Variants in CDKL3 observed in about 807,000 individuals in gnomAD.
The protein encoded by CDKL3 is cyclin dependent kinase like 3.
CDKL3 carries 65 observed loss-of-function variants against 69.3 expected under a neutral mutation model. The ratio of observed to expected loss-of-function variants is 0.94; its 90% CI spans 0.77 to 1.15. The LOEUF is 1.15. Among genes scored for constraint, CDKL3 ranks in the 50% most tolerant of loss-of-function variants. The pLI is 0.00. For missense variants in CDKL3, 652 were observed against 689.2 expected (o/e 0.95, Z 0.61); for synonymous variants, 202 against 221.6 (o/e 0.91, Z 0.79).
chr5:134,320,486 G>T (rs1194192684), intron 5 of CDKL3, among the ~76,000 whole-genome samples: 2 of 152,026 alleles, frequency 1.3e-5, no homozygotes, highest in African/African-American at 4.8e-5. Flanking sequence ...GCTGAGGTGG[G>T]AGAATCACCT....
intron 9 of CDKL3, chr5:134,307,888 G>T: frequency 2.2e-6 from 1 of 460,266 alleles, no homozygotes; most frequent in East Asian, 4.2e-5. Flanking sequence ...ATTTTTCAAA[G>T]GGTCTTTTTT....
At chr5:134,350,575 T>TA (rs1752999694) in intron 3 of CDKL3, 148 bp from the exon 4 acceptor site, 1 of 600,148 alleles carries the variant, frequency 1.7e-6, no homozygotes, top group Non-Finnish European at 2.9e-6. Flanking sequence ...AATGCAAATA[T>TA]AGTTATATGT....
rs2149496426 is a variant in CDKL3 at position 134,324,603 on chromosome 5, A to G, written c.540-2700T>C. Among the ~76,000 whole-genome samples the G allele has an allele frequency of 2.0e-5, 3 of 152,366 alleles. No homozygotes were observed. In the South Asian group the frequency reaches 6.2e-4, roughly 32 times the overall value. On this transcript the variant is annotated intron_variant, in intron 4 of 12. Coordinates refer to ENST00000265334, the MANE Select transcript of CDKL3 (RefSeq NM_001113575.2). ...TCAAAGAAGCCAGTCTGAAAAAGCT[A>G]CATACTATGTGATTCCAACTATATG...
chr5:134,298,858 G>A, intron 12 of CDKL3, 148 bp from the exon 13 acceptor site: 1 of 1,063,712 alleles, frequency 9.4e-7, no homozygotes, highest in Non-Finnish European at 1.3e-6. Context: ...TCAATGCCTT[G>A]CTCAACTTCC....
At chr5:134,345,580 G>T in intron 4 of CDKL3, among the ~76,000 whole-genome samples, 1 of 152,174 alleles carries the variant, frequency 6.6e-6, no homozygotes, top group East Asian at 1.9e-4. Flanking sequence ...AAGGGAGATG[G>T]GGTGGGGCTG....
chr5:134,304,812 C>CAATAAT (rs375747445), intron 10 of CDKL3, among the ~76,000 whole-genome samples: 1,831 of 144,252 alleles, frequency 0.013, 33 homozygotes, highest in African/African-American at 0.038. Flanking sequence ...ATGAGAACCA[C>CAATAAT]AATAATAATA....
chr5:134,303,984 A>G (rs1767068556), intron 11 of CDKL3, among the ~76,000 whole-genome samples: 1 of 151,408 alleles, frequency 6.6e-6, no homozygotes, highest in Admixed American at 6.6e-5. Flanking sequence ...CCTGGAGTGC[A>G]GTACAGTGGC....
At chr5:134,305,115 TA>T (rs1227161644) in intron 10 of CDKL3, among the ~76,000 whole-genome samples, 1 of 151,366 alleles carries the variant, frequency 6.6e-6, no homozygotes. Flanking sequence ...GCCTTATTAT[TA>T]TTATTATTAT....
intron 4 of CDKL3, among the ~76,000 whole-genome samples, chr5:134,323,679 C>A (rs1773392534): frequency 6.6e-6 from 1 of 152,124 alleles, no homozygotes; most frequent in Non-Finnish European, 1.5e-5. Context: ...TGAATCTAGA[C>A]ACAGACCTTA....
Position 134,366,550 on chromosome 5 carries a change from T to A in CDKL3, c.-21-6A>T. On this transcript the variant is annotated splice_polypyrimidine_tract_variant and splice_region_variant and intron_variant, in intron 1 of 12. Coordinates refer to ENST00000265334, the MANE Select transcript of CDKL3 (RefSeq NM_001113575.2). ...TTCAAGCTGGGCTTTTACTACTTTA[T>A]AGAAATAAAGAAAGAAAATGGAAAA... The A allele has an allele frequency of 6.5e-7, 1 of 1,541,792 alleles. No individual in the cohort carries two copies. Among genetic ancestry groups the A allele is most frequent in the Non-Finnish European group, 8.8e-7 (1 of 1,139,032 alleles).
At chr5:134,305,323 A>G (rs1217099340) in intron 10 of CDKL3, among the ~76,000 whole-genome samples, 1 of 152,130 alleles carries the variant, frequency 6.6e-6, no homozygotes, top group Non-Finnish European at 1.5e-5. Context: ...TATGTCGCCC[A>G]GGCTGATCTC....
chr5:134,335,426 T>C (rs1776860582), intron 4 of CDKL3, among the ~76,000 whole-genome samples: 2 of 152,244 alleles, frequency 1.3e-5, no homozygotes, highest in African/African-American at 4.8e-5. Flanking sequence ...GTCGATGGTC[T>C]TTACAATTTG....
chr5:134,291,773 CAA>C (rs762167323), intron 8 of CDKL3, among the ~76,000 whole-genome samples: 7 of 107,610 alleles, frequency 6.5e-5, no homozygotes, highest in Admixed American at 1.0e-4. Flanking sequence ...GACTCCATCT[CAA>C]AAAAAAAAAA....
intron 3 of CDKL3, among the ~76,000 whole-genome samples, chr5:134,353,379 C>T (rs556583695): frequency 4.6e-5 from 7 of 152,244 alleles, no homozygotes; most frequent in Admixed American, 3.3e-4. Flanking sequence ...TCTCCCTCCC[C>T]ACACTCCCTT....
At chr5:134,351,777 T>A (rs913797543) in intron 3 of CDKL3, among the ~76,000 whole-genome samples, 3 of 152,174 alleles carry the variant, frequency 2.0e-5, no homozygotes, top group African/African-American at 7.2e-5. Context: ...TTTTTTAACA[T>A]TGTTAATTTT....
chr5:134,311,654 TAAG>T (rs996951274), intron 7 of CDKL3, among the ~76,000 whole-genome samples: 1 of 152,176 alleles, frequency 6.6e-6, no homozygotes, highest in African/African-American at 2.4e-5. Context: ...GGAATAAAGC[TAAG>T]AAGTATTGAT....
At chr5:134,297,667 C>T (rs1580764235), downstream of CDKL3, among the ~76,000 whole-genome samples, 2 of 150,500 alleles carry the variant, frequency 1.3e-5, no homozygotes, top group Admixed American at 1.3e-4. Flanking sequence ...CCACAACCTC[C>T]GCCTCCCGGG....
chr5:134,337,214 A>C (rs1777345781), intron 4 of CDKL3, among the ~76,000 whole-genome samples: 1 of 152,126 alleles, frequency 6.6e-6, no homozygotes, highest in Non-Finnish European at 1.5e-5. Flanking sequence ...GAAAGCACAG[A>C]ATTTGGGTAG....
intron 4 of CDKL3, among the ~76,000 whole-genome samples, chr5:134,323,782 C>A (rs1773411934): frequency 6.6e-6 from 1 of 152,050 alleles, no homozygotes; most frequent in African/African-American, 2.4e-5. Flanking sequence ...AGGAAAAAAT[C>A]TAGATGGCCT....
Sources: gnomAD v4.1 joint callset for allele counts (sites outside exome capture counted in the v4.1 genomes callset) on GRCh38, gnomAD v4.1.1 for gene constraint, MANE v1.5 for transcripts, NCBI Gene and HGNC (gene_info 2026-07-23, HGNC 2026-07-21) for gene names.